Variants in RNF217 observed in about 807,000 individuals in gnomAD.
The protein encoded by RNF217 is E3 ubiquitin-protein ligase RNF217.
Under a neutral mutation model 57.8 loss-of-function variants are expected in RNF217, and 31 were observed. The observed-to-expected ratio is 0.54, with a 90% CI of 0.40 to 0.72. The LOEUF is 0.72. Ranked by LOEUF, RNF217 falls within the 30% of genes least tolerant of loss-of-function variation. The probability of loss-of-function intolerance (pLI) is 0.00; values close to 1 mark genes in which losing one functional copy is unlikely to be tolerated. For synonymous variants in RNF217, 313 were observed against 294.0 expected (o/e 1.06, Z -0.66); for missense variants, 696 against 708.3 (o/e 0.98, Z 0.20).
At chr6:125,046,244 T>G (rs1005309837) in intron 2 of RNF217, among the ~76,000 whole-genome samples, 1 of 152,168 alleles carries the variant, frequency 6.6e-6, no homozygotes, top group Admixed American at 6.5e-5. Context: ...ATCGGGCAGA[T>G]AAGAGCAGAT....
In RNF217 at chr6:125,088,590, T is replaced by C. The variant is rs959085131; in HGVS notation, c.*5653T>C. The C allele has an allele frequency of 6.6e-6, 1 of 152,182 alleles. No individual in the cohort carries two copies. Among genetic ancestry groups the C allele is most frequent in the Non-Finnish European group, 1.5e-5 (1 of 68,012 alleles). 9.4% of individuals were successfully genotyped at this position (152,182 alleles called of 1,614,324 possible). ...ATTGCCAGTTTTAAAAGAATGTAAT[T>C]ATGCATGTTACAAACTATATATATC... On this transcript the variant is annotated 3_prime_UTR_variant, in exon 6 of 6. Coordinates refer to ENST00000521654, the MANE Select transcript of RNF217 (RefSeq NM_001286398.3).
chr6:124,986,313 C>T (rs1156980174), intron 1 of RNF217, among the ~76,000 whole-genome samples: 1 of 152,100 alleles, frequency 6.6e-6, no homozygotes, highest in Non-Finnish European at 1.5e-5. Context: ...GACCCTTTTC[C>T]TCCCACATCA....
rs547070386 is a variant in RNF217 at position 124,974,312 on chromosome 6, A to T, written c.882+10886A>T. 2.2e-3 allele frequency among the ~76,000 whole-genome samples: 331 copies of T among 152,332 alleles called. 2 individuals carry two copies. Among genetic ancestry groups the T allele is most frequent in the Admixed American group, 4.1e-3 (63 of 15,296 alleles). ...TTCGAGCCTGAATTTTAATTTTTTT[A>T]AAAAATTTTGTCTTTTCAATCATTT... On this transcript the variant is annotated intron_variant, in intron 1 of 5. Transcript: ENST00000521654.
intron 1 of RNF217, among the ~76,000 whole-genome samples, chr6:125,028,296 C>T (rs1409448824): frequency 1.3e-5 from 2 of 151,966 alleles, no homozygotes; most frequent in South Asian, 2.1e-4. Context: ...AGGTGAACAA[C>T]ACACAAAGAT....
intron 1 of RNF217, among the ~76,000 whole-genome samples, chr6:124,982,705 A>G (rs1371371947): frequency 6.6e-6 from 1 of 152,256 alleles, no homozygotes; most frequent in Middle Eastern, 3.4e-3. Context: ...TTATGTGCCT[A>G]CCCTCTAAAG....
At chr6:125,025,032 GA>G (rs1382185135) in intron 1 of RNF217, among the ~76,000 whole-genome samples, 1 of 152,106 alleles carries the variant, frequency 6.6e-6, no homozygotes, top group Non-Finnish European at 1.5e-5. Context: ...TAGATGCAGG[GA>G]AAATCCACAA....
In RNF217 at chr6:125,090,331, C is replaced by G. The variant is rs936984599; in HGVS notation, c.*7394C>G. ...ATGATTTTCTGTAGAAGGAACACAA[C>G]AGTGATGTTAAAATGTTAACAAAGA... On this transcript the variant is annotated 3_prime_UTR_variant, in exon 6 of 6. Coordinates refer to ENST00000521654, the MANE Select transcript of RNF217 (RefSeq NM_001286398.3). 6 of 151,946 alleles carry G rather than the reference C, an allele frequency of 3.9e-5. No individual in the cohort carries two copies. Among genetic ancestry groups the G allele is most frequent in the Non-Finnish European group, 8.8e-5 (6 of 67,912 alleles). 9.4% of individuals were successfully genotyped at this position (151,946 alleles called of 1,614,324 possible).
chr6:124,994,840 G>A (rs910082072), intron 1 of RNF217, among the ~76,000 whole-genome samples: 6 of 152,182 alleles, frequency 3.9e-5, no homozygotes, highest in African/African-American at 7.2e-5. Flanking sequence ...TTATAGCTCC[G>A]TGGCTGACTG....
chr6:124,972,515 G>C (rs139904922), intron 1 of RNF217, among the ~76,000 whole-genome samples: 1 of 152,076 alleles, frequency 6.6e-6, no homozygotes, highest in Admixed American at 6.6e-5. Context: ...ACTTTATAAC[G>C]GTATCTCATG....
chr6:125,022,127 C>G (rs1434379601), intron 1 of RNF217, among the ~76,000 whole-genome samples: 1 of 152,152 alleles, frequency 6.6e-6, no homozygotes, highest in Non-Finnish European at 1.5e-5. Flanking sequence ...AGGTGACCAC[C>G]TACCTTGGCC....
At chr6:125,024,187 AATTAATAAAGTAGG>A (rs1027227938) in intron 1 of RNF217, among the ~76,000 whole-genome samples, 6 of 152,212 alleles carry the variant, frequency 3.9e-5, no homozygotes, top group Admixed American at 1.3e-4. Flanking sequence ...TTGTTTGAAG[AATTAATAAAGTAGG>A]ATTTTGTTGA....
intron 1 of RNF217, among the ~76,000 whole-genome samples, chr6:124,988,237 A>T (rs1000175039): frequency 2.0e-5 from 3 of 152,138 alleles, no homozygotes; most frequent in Admixed American, 2.0e-4. Flanking sequence ...TCCATGGAAG[A>T]GTTGTCTTCC....
chr6:124,964,285 A>C (rs780908768), intron 1 of RNF217, among the ~76,000 whole-genome samples: 19 of 152,132 alleles, frequency 1.2e-4, no homozygotes, highest in Non-Finnish European at 2.5e-4. Flanking sequence ...CATCTTTCAA[A>C]ACCCTGTGTG....
intron 1 of RNF217, among the ~76,000 whole-genome samples, chr6:124,986,477 T>G (rs1784367331): frequency 6.6e-6 from 1 of 152,252 alleles, no homozygotes; most frequent in African/African-American, 2.4e-5. Flanking sequence ...TCCAGCTGTC[T>G]TCAGCCTTTG....
chr6:125,061,856 A>G (rs1182977709), intron 3 of RNF217, among the ~76,000 whole-genome samples: 2 of 151,568 alleles, frequency 1.3e-5, no homozygotes, highest in African/African-American at 4.8e-5. Context: ...TTCTTTCTTT[A>G]TTTGATTTTT....
intron 1 of RNF217, among the ~76,000 whole-genome samples, chr6:125,015,404 A>G (rs1415383366): frequency 1.3e-5 from 2 of 152,138 alleles, no homozygotes; most frequent in Non-Finnish European, 2.9e-5. Context: ...CCCACAAACA[A>G]ATACACTAGG....
intron 1 of RNF217, among the ~76,000 whole-genome samples, chr6:124,965,328 C>A (rs1293373449): frequency 6.6e-6 from 1 of 152,134 alleles, no homozygotes; most frequent in Non-Finnish European, 1.5e-5. Flanking sequence ...AATCCCAGCA[C>A]TTTGGGAGGC....
chr6:125,082,886 T>C lies in RNF217; in HGVS notation c.1578T>C (p.Tyr526=). 3 of 1,603,930 alleles carry C rather than the reference T, an allele frequency of 1.9e-6. No homozygotes were observed. Among genetic ancestry groups the C allele is most frequent in the Non-Finnish European group, 1.7e-6 (2 of 1,176,544 alleles). ...TAGGTTTATTTGTATTTCCTATCTA[T>C]TGCCTTTGTAAAAAACAGAGAAAAC... ...VVIGLFVFPI[Y]CLCKKQRKRS... The change falls in exon 6 of 6, where the codon TAT becomes TAC. Residue 526 remains tyrosine, a synonymous_variant. Transcript: ENST00000521654.
At chr6:125,070,267 T>TA (rs1165625142) in intron 3 of RNF217, among the ~76,000 whole-genome samples, 2 of 152,200 alleles carry the variant, frequency 1.3e-5, no homozygotes, top group African/African-American at 4.8e-5. Context: ...GTTGGGTACT[T>TA]AGATTGGTTC....
Sources: allele counts gnomAD v4.1 joint callset (sites outside exome capture counted in the v4.1 genomes callset), GRCh38; gene constraint gnomAD v4.1.1; transcripts MANE v1.5; gene names NCBI Gene and HGNC (gene_info 2026-07-23, HGNC 2026-07-21).